Variants in SIDT1 observed in about 807,000 individuals in gnomAD.
The protein encoded by SIDT1 is SID1 transmembrane family, member 1.
Under a neutral mutation model 107.5 loss-of-function variants are expected in SIDT1, and 101 were observed. That is an observed-to-expected ratio of 0.94 (90% confidence interval 0.80 to 1.11). The LOEUF is 1.11. SIDT1 is among the 50% of genes least tolerant of loss of function. SIDT1 has a pLI of 0.00. For missense variants in SIDT1, 1,076 were observed against 1,058.2 expected (o/e 1.02, Z -0.23); for synonymous variants, 395 against 398.2 (o/e 0.99, Z 0.10).
chr3:113,609,600 G>T (rs1284836735), intron 17 of SIDT1, among the ~76,000 whole-genome samples: 1 of 152,216 alleles, frequency 6.6e-6, no homozygotes, highest in Admixed American at 6.5e-5. Flanking sequence ...GAAAGGAAAA[G>T]CTGATGCTGT....
At chr3:113,588,378 T>C (rs1943892275) in intron 9 of SIDT1, among the ~76,000 whole-genome samples, 1 of 152,140 alleles carries the variant, frequency 6.6e-6, no homozygotes, top group Non-Finnish European at 1.5e-5. Context: ...CTAAGCAAAA[T>C]AAAAAGTTTT....
intron 10 of SIDT1, among the ~76,000 whole-genome samples, chr3:113,596,021 G>A (rs1056155955): frequency 2.0e-5 from 3 of 152,228 alleles, no homozygotes; most frequent in African/African-American, 7.2e-5. Context: ...ATACAGAAAT[G>A]TCTTTCTCTC....
chr3:113,576,130 C>T (rs1414766309), intron 3 of SIDT1, among the ~76,000 whole-genome samples: 2 of 152,198 alleles, frequency 1.3e-5, no homozygotes, highest in Non-Finnish European at 2.9e-5. Context: ...CAGCAGACAG[C>T]CCTCTATACT....
At chr3:113,608,956 G>T (rs1283571088) in intron 17 of SIDT1, among the ~76,000 whole-genome samples, 1 of 152,096 alleles carries the variant, frequency 6.6e-6, no homozygotes, top group Non-Finnish European at 1.5e-5. Flanking sequence ...CGGCAAGCTG[G>T]GTTCCAGAAG....
At chr3:113,621,162 G>T (rs191316268) in intron 21 of SIDT1, among the ~76,000 whole-genome samples, 5 of 152,330 alleles carry the variant, frequency 3.3e-5, no homozygotes, top group Admixed American at 2.0e-4. Context: ...TATGCATATA[G>T]AGAGAGAGAC....
At chr3:113,564,718 G>A (rs1198652580) in intron 1 of SIDT1, among the ~76,000 whole-genome samples, 1 of 152,210 alleles carries the variant, frequency 6.6e-6, no homozygotes, top group African/African-American at 2.4e-5. Context: ...AGTTAGGAGT[G>A]AAGGGAGTGA....
intron 18 of SIDT1, among the ~76,000 whole-genome samples, chr3:113,611,425 G>A (rs578016480): frequency 2.6e-5 from 4 of 152,198 alleles, no homozygotes; most frequent in South Asian, 2.1e-4. Flanking sequence ...TCCACCTCCC[G>A]GGTTCAAGCG....
At position 113,540,681 on chromosome 3, in the gene SIDT1, C is replaced by T. The variant is rs74467711; in HGVS notation, c.222+7438C>T. On this transcript the variant is annotated intron_variant, in intron 1 of 24. Coordinates refer to ENST00000264852, the MANE Select transcript of SIDT1 (RefSeq NM_017699.3). ...AAAACATGGGATATTCAAAGCATAG[C>T]TTCTGTCCTTGTCTTCTGTACCCCC... is the stretch of plus-strand genomic sequence containing the variant. Among the ~76,000 whole-genome samples the T allele has an allele frequency of 9.5e-3, 1,453 of 152,272 alleles. 18 individuals are homozygous for T. Among genetic ancestry groups the T allele is most frequent in the African/African-American group, 0.033 (1,367 of 41,560 alleles).
At chr3:113,636,113 A>G in the SIDT1 span, among the ~76,000 whole-genome samples, 1 of 152,078 alleles carries the variant, frequency 6.6e-6, no homozygotes, top group Admixed American at 6.5e-5. Flanking sequence ...TAAAAAATAT[A>G]TTTAAAGTGG....
chr3:113,543,307 A>T (rs1308391045), intron 1 of SIDT1, among the ~76,000 whole-genome samples: 7 of 152,132 alleles, frequency 4.6e-5, no homozygotes, highest in African/African-American at 1.7e-4. Context: ...TTCCTGAAGC[A>T]TCCTTACACT....
At chr3:113,579,984 C>A (rs1943204087) in intron 4 of SIDT1, among the ~76,000 whole-genome samples, 1 of 152,190 alleles carries the variant, frequency 6.6e-6, no homozygotes, top group African/African-American at 2.4e-5. Context: ...TTGAAAAACA[C>A]TTTTAAAAGA....
chr3:113,606,993 G>T (rs1945380737), intron 14 of SIDT1, 48 bp from the exon 15 acceptor site: 1 of 1,213,734 alleles, frequency 8.2e-7, no homozygotes, highest in African/African-American at 1.5e-5. Context: ...CTGGGGCTCA[G>T]AGGACGGAGG....
intron 23 of SIDT1, 90 bp from the exon 24 acceptor site, chr3:113,626,012 A>T: frequency 3.5e-6 from 3 of 852,768 alleles, no homozygotes; most frequent in Non-Finnish European, 4.0e-6. Flanking sequence ...CCAGACATCT[A>T]GTAGCGTTTT....
intron 14 of SIDT1, 135 bp from the exon 15 acceptor site, chr3:113,606,906 G>C: frequency 1.5e-6 from 1 of 649,724 alleles, no homozygotes; most frequent in Non-Finnish European, 2.8e-6. Flanking sequence ...TGGCCCATCT[G>C]TGCAGAGGAG....
chr3:113,617,181 G>A (rs561221124), intron 20 of SIDT1, among the ~76,000 whole-genome samples: 1 of 152,282 alleles, frequency 6.6e-6, no homozygotes, highest in African/African-American at 2.4e-5. Context: ...ACTGGGACCC[G>A]TGTTCACTCC....
Position 113,627,750 on chromosome 3 carries a change from T to C in SIDT1, c.*42T>C, listed in dbSNP as rs2107878127. ...GAGGGGAGGGAGCGATCAATCTTGG[T>C]GCTGTTTCACAAAAATTACAGTGAC... On this transcript the variant is annotated 3_prime_UTR_variant, in exon 25 of 25. Transcript: ENST00000264852. The C allele has an allele frequency of 1.3e-6, 2 of 1,597,104 alleles. No homozygotes were observed. The highest frequency in any genetic ancestry group is 4.5e-5 in the East Asian group (2 of 44,806).
chr3:113,634,266 C>G (rs1186975019), downstream of SIDT1, among the ~76,000 whole-genome samples: 1 of 152,202 alleles, frequency 6.6e-6, no homozygotes. Context: ...AGTCTGCCCT[C>G]TTAGTGAGAT....
chr3:113,597,894 A>C (rs1290863644), intron 10 of SIDT1, among the ~76,000 whole-genome samples: 1 of 152,230 alleles, frequency 6.6e-6, no homozygotes, highest in Non-Finnish European at 1.5e-5. Flanking sequence ...TCTATGTACT[A>C]TACAGTTAAA....
rs1168637378 is a variant in SIDT1 at position 113,628,961 on chromosome 3, C to G, written c.*1253C>G. ...GTTCCACTCTCACACTGTCTGGCAG[C>G]TCTGTGTCTGAGAAGTTCTACATTG... On this transcript the variant is annotated 3_prime_UTR_variant, in exon 25 of 25. Coordinates refer to ENST00000264852, the MANE Select transcript of SIDT1 (RefSeq NM_017699.3). The G allele has an allele frequency of 9.2e-5, 14 of 152,212 alleles. No homozygotes were observed. Among genetic ancestry groups the G allele is most frequent in the Non-Finnish European group, 1.9e-4 (13 of 68,046 alleles). 9.4% of individuals were successfully genotyped at this position (152,212 alleles called of 1,614,324 possible). A position where few individuals can be genotyped will look rare whatever the true frequency, so the allele number is the denominator to read the frequency against.
Sources: gnomAD v4.1 joint callset for allele counts (sites outside exome capture counted in the v4.1 genomes callset) on GRCh38, gnomAD v4.1.1 for gene constraint, MANE v1.5 for transcripts, NCBI Gene and HGNC (gene_info 2026-07-23, HGNC 2026-07-21) for gene names.